The following STIM1 variants were observed in gnomAD, a reference collection of about 807,000 sequenced individuals.
The protein encoded by STIM1 is stromal interaction molecule 1.
STIM1 carries 25 observed loss-of-function variants against 74.7 expected under a neutral mutation model. That is an observed-to-expected ratio of 0.33 (90% CI 0.24 to 0.47). The LOEUF (loss-of-function observed/expected upper bound fraction) is 0.47. STIM1 is among the 20% of genes least tolerant of loss of function. STIM1 has a pLI of 1.00. For synonymous variants in STIM1, 328 were observed against 348.8 expected (o/e 0.94, Z 0.66); for missense variants, 728 against 920.8 (o/e 0.79, Z 2.71).
At chr11:3,871,385 G>A (rs1214938006) in intron 1 of STIM1, among the ~76,000 whole-genome samples, 5 of 152,064 alleles carry the variant, frequency 3.3e-5, no homozygotes, top group African/African-American at 4.8e-5. Flanking sequence ...TTATCTGGTC[G>A]TCTCTTTGGT....
At chr11:3,881,067 A>T (rs1240970252) in intron 1 of STIM1, among the ~76,000 whole-genome samples, 1 of 150,184 alleles carries the variant, frequency 6.7e-6, no homozygotes, top group Non-Finnish European at 1.5e-5. Flanking sequence ...TTCCTTTTAG[A>T]GTATGGTGAC....
intron 2 of STIM1, among the ~76,000 whole-genome samples, chr11:3,983,680 C>T (rs2093529007): frequency 6.6e-6 from 1 of 152,168 alleles, no homozygotes; most frequent in Non-Finnish European, 1.5e-5. Context: ...GGGCCTCTCT[C>T]TGATTCCCAT....
chr11:3,959,359 G>A (rs906219300), intron 1 of STIM1, among the ~76,000 whole-genome samples: 3 of 152,196 alleles, frequency 2.0e-5, no homozygotes, highest in Non-Finnish European at 2.9e-5. Context: ...TATTGGTGGT[G>A]GGAATTGGTG....
intron 3 of STIM1, among the ~76,000 whole-genome samples, chr11:4,036,893 T>C (rs1200818371): frequency 6.6e-6 from 1 of 152,108 alleles, no homozygotes; most frequent in Non-Finnish European, 1.5e-5. Context: ...GGGATCTAAT[T>C]AAAGAGCCTC....
intron 1 of STIM1, among the ~76,000 whole-genome samples, chr11:3,872,108 A>G (rs1166385919): frequency 6.6e-6 from 1 of 152,056 alleles, no homozygotes; most frequent in Non-Finnish European, 1.5e-5. Flanking sequence ...GCTGAAGCAC[A>G]GTGGTGTGAT....
chr11:4,068,323 C>T (rs1214662747), intron 5 of STIM1, among the ~76,000 whole-genome samples: 1 of 152,186 alleles, frequency 6.6e-6, no homozygotes, highest in Admixed American at 6.5e-5. Context: ...ATTTGAGGTA[C>T]TGGAAGTGCT....
At chr11:4,038,046 T>G (rs935775279) in intron 3 of STIM1, among the ~76,000 whole-genome samples, 1 of 152,028 alleles carries the variant, frequency 6.6e-6, no homozygotes, top group Non-Finnish European at 1.5e-5. Flanking sequence ...GTCTTTTTTT[T>G]TTTTTTGAGA....
At chr11:3,918,541 A>AG (rs1554957009) in intron 1 of STIM1, among the ~76,000 whole-genome samples, 93 of 146,376 alleles carry the variant, frequency 6.4e-4, no homozygotes, top group African/African-American at 2.1e-3. Context: ...CTCAAAAAAA[A>AG]AAAGAAAGAA....
chr11:3,891,999 T>C (rs2091909547), intron 1 of STIM1, among the ~76,000 whole-genome samples: 1 of 152,264 alleles, frequency 6.6e-6, no homozygotes. Flanking sequence ...CTCAGTTTGC[T>C]GATCCCTTGT....
chr11:3,932,666 GAAAAAAAAA>G (rs57059104), intron 1 of STIM1, among the ~76,000 whole-genome samples: 5 of 86,970 alleles, frequency 5.7e-5, no homozygotes, highest in Middle Eastern at 6.6e-3. Context: ...TGTCTCAAAG[GAAAAAAAAA>G]AAAAAAAAAA....
At chr11:3,952,232 G>A (rs1294996621) in intron 1 of STIM1, among the ~76,000 whole-genome samples, 4 of 152,066 alleles carry the variant, frequency 2.6e-5, no homozygotes, top group Non-Finnish European at 4.4e-5. Flanking sequence ...GGGCAACATA[G>A]TGAAACCTCA....
chr11:4,011,259 G>A (rs1240570264), intron 2 of STIM1, among the ~76,000 whole-genome samples: 1 of 152,140 alleles, frequency 6.6e-6, no homozygotes, highest in Non-Finnish European at 1.5e-5. Context: ...GGGTCAAATG[G>A]TATTTCTAGT....
At chr11:3,892,821 T>G (rs1041534073) in intron 1 of STIM1, 15 of 1,612,586 alleles carry the variant, frequency 9.3e-6, no homozygotes, top group Non-Finnish European at 1.3e-5. Flanking sequence ...GCAAATAGCT[T>G]GAAGGAGACA....
chr11:3,962,445 T>G (rs926330101), intron 1 of STIM1, among the ~76,000 whole-genome samples: 1 of 147,622 alleles, frequency 6.8e-6, no homozygotes, highest in Non-Finnish European at 1.5e-5. Context: ...CTGAGTAGTA[T>G]TGTGTGTGTG....
intron 2 of STIM1, among the ~76,000 whole-genome samples, chr11:3,982,152 G>A (rs1288812825): frequency 7.8e-6 from 1 of 128,652 alleles, no homozygotes. Flanking sequence ...ACAGCCTCCT[G>A]AGTAGCTGGG....
At position 3,892,938 on chromosome 11, in the gene STIM1, T is replaced by C. The variant is rs1160515722; in HGVS notation, c.139+36529T>C. 3.6e-6 allele frequency: 4 copies of C among 1,115,688 alleles called. No individual in the cohort carries two copies. In the Admixed American group the frequency reaches 5.6e-5, roughly 16 times the overall value. The allele number at this position is 1,115,688 out of a possible 1,614,324, so 69.1% of individuals were successfully genotyped here. On this transcript the variant is annotated intron_variant, in intron 1 of 12. Transcript: ENST00000526596. Reference sequence around the variant, plus strand: ...GCAGCAGCATCTGCAAAGACTTTTATGTTTTATTTTTAATAGAGATGGGGT... The same window carrying C: ...GCAGCAGCATCTGCAAAGACTTTTACGTTTTATTTTTAATAGAGATGGGGT...
chr11:4,073,793 G>A (rs2133181753), intron 6 of STIM1, among the ~76,000 whole-genome samples: 1 of 152,278 alleles, frequency 6.6e-6, no homozygotes, highest in East Asian at 1.9e-4. Flanking sequence ...AAGATACTTA[G>A]GAAAGGAACT....
At chr11:3,980,679 AC>A (rs947735574) in intron 2 of STIM1, among the ~76,000 whole-genome samples, 2 of 151,554 alleles carry the variant, frequency 1.3e-5, no homozygotes, top group African/African-American at 4.9e-5. Flanking sequence ...AACAACAACA[AC>A]AAAAAAAAAC....
At chr11:3,924,021 A>G (rs994686850) in intron 1 of STIM1, among the ~76,000 whole-genome samples, 2 of 151,666 alleles carry the variant, frequency 1.3e-5, no homozygotes, top group Non-Finnish European at 2.9e-5. Flanking sequence ...TTATTTTTTA[A>G]ATTAGAGTCA....
Sources: gnomAD v4.1 joint callset for allele counts (sites outside exome capture counted in the v4.1 genomes callset) on GRCh38, gnomAD v4.1.1 for gene constraint, MANE v1.5 for transcripts, NCBI Gene and HGNC (gene_info 2026-07-23, HGNC 2026-07-21) for gene names.